The following PARD3 variants were observed in gnomAD, a reference collection of about 807,000 sequenced individuals.
PARD3 encodes the protein partitioning defective 3 homolog.
Under a neutral mutation model 155.4 loss-of-function variants are expected in PARD3, and 75 were observed. That is an observed-to-expected ratio of 0.48 (90% CI 0.40 to 0.58). The LOEUF is 0.58. PARD3 is among the 20% of genes least tolerant of loss of function. The probability of loss-of-function intolerance (pLI) is 0.00; values close to 1 mark genes in which losing one functional copy is unlikely to be tolerated. For synonymous variants in PARD3, 576 were observed against 610.5 expected (o/e 0.94, Z 0.83); for missense variants, 1,642 against 1,721.7 (o/e 0.95, Z 0.82).
At chr10:34,156,791 A>G (rs926224160) in intron 22 of PARD3, among the ~76,000 whole-genome samples, 5 of 151,518 alleles carry the variant, frequency 3.3e-5, no homozygotes, top group Admixed American at 3.3e-4. Flanking sequence ...GACTGCCCAG[A>G]CACTTAGTAA....
At chr10:34,737,317 T>C (rs1005980179) in intron 1 of PARD3, among the ~76,000 whole-genome samples, 11 of 152,218 alleles carry the variant, frequency 7.2e-5, no homozygotes, top group African/African-American at 2.4e-4. Context: ...ATTTCCCACT[T>C]CTCCACTAAC....
chr10:34,202,429 G>A (rs1273355882), intron 22 of PARD3, among the ~76,000 whole-genome samples: 1 of 152,158 alleles, frequency 6.6e-6, no homozygotes, highest in East Asian at 1.9e-4. Flanking sequence ...ACTTTTTACA[G>A]ATAAGAGGTG....
At chr10:34,328,488 C>A (rs1835278824) in intron 19 of PARD3, among the ~76,000 whole-genome samples, 1 of 152,028 alleles carries the variant, frequency 6.6e-6, no homozygotes, top group Non-Finnish European at 1.5e-5. Context: ...CTCAAAAACA[C>A]CCTTTTTAAA....
intron 2 of PARD3, among the ~76,000 whole-genome samples, chr10:34,572,222 A>G (rs997671887): frequency 3.2e-4 from 48 of 152,202 alleles, no homozygotes; most frequent in Non-Finnish European, 5.4e-4. Context: ...AAAAAGCACA[A>G]TGAGGCTGGG....
Position 34,434,554 on chromosome 10 carries a change from G to A in PARD3, c.714+15763C>T, listed in dbSNP as rs570739395. Among the ~76,000 whole-genome samples, 17 of 152,278 alleles carry A rather than the reference G, an allele frequency of 1.1e-4. No individual in the cohort carries two copies. In the East Asian group the frequency reaches 1.7e-3, roughly 16 times the overall value. ...CACGGTGTTCCTGGGTATGGTCAGA[G>A]CCCCAGAGTGTGTCAAGCAGTGCTC... On this transcript the variant is annotated intron_variant, in intron 5 of 24. Coordinates refer to ENST00000374788, the MANE Select transcript of PARD3 (RefSeq NM_001184785.2).
At chr10:34,799,055 T>C (rs1223912881) in intron 1 of PARD3, among the ~76,000 whole-genome samples, 1 of 152,146 alleles carries the variant, frequency 6.6e-6, no homozygotes, top group East Asian at 1.9e-4. Context: ...TTAAGAGCAG[T>C]TGCTCTAGCA....
rs544121028 is a variant in PARD3, at chr10:34,204,163, C to T, written c.3419+65494G>A. 1.2e-4 allele frequency among the ~76,000 whole-genome samples: 18 copies of T among 152,274 alleles called. No individual in the cohort carries two copies. The South Asian group carries it at 1.4e-3, about 12-fold the overall frequency. On this transcript the variant is annotated intron_variant, in intron 22 of 24. Coordinates refer to ENST00000374788, the MANE Select transcript of PARD3 (RefSeq NM_001184785.2). ...TTGACAGTATTGATGTTAATGATAA[C>T]GTATTCCCTTTTCAAAGAAAGTTGC...
At chr10:34,288,057 A>G (rs1308642718) in intron 20 of PARD3, among the ~76,000 whole-genome samples, 1 of 152,074 alleles carries the variant, frequency 6.6e-6, no homozygotes, top group Non-Finnish European at 1.5e-5. Context: ...CTAACAATAC[A>G]AAAATTAGCT....
chr10:34,735,739 C>T (rs979035657), intron 1 of PARD3, among the ~76,000 whole-genome samples: 1 of 152,196 alleles, frequency 6.6e-6, no homozygotes, highest in Non-Finnish European at 1.5e-5. Context: ...AACAACCCCC[C>T]TTATTTTTTA....
At chr10:34,755,247 A>T (rs773339488) in intron 1 of PARD3, among the ~76,000 whole-genome samples, 12 of 132,590 alleles carry the variant, frequency 9.1e-5, no homozygotes, top group East Asian at 2.0e-4. Context: ...ACTAAAAATT[A>T]AAAAAAAAAA....
chr10:34,151,927 C>A lies in PARD3; in HGVS notation c.3420-20344G>T, dbSNP rs374546222. Among the ~76,000 whole-genome samples, 34 of 152,198 alleles carry A rather than the reference C, an allele frequency of 2.2e-4. 1 individual carries two copies. The South Asian group carries it at 3.3e-3, about 15-fold the overall frequency. On this transcript the variant is annotated intron_variant, in intron 22 of 24. Transcript: ENST00000374788. ...ATATTCTGTTACTTATTCAAGAGAC[C>A]TCAAGATTCTATAAAATATACATAT...
At chr10:34,518,620 A>T (rs1391498649) in intron 2 of PARD3, among the ~76,000 whole-genome samples, 1 of 152,246 alleles carries the variant, frequency 6.6e-6, no homozygotes. Context: ...CCATGAGTCC[A>T]TAATGATATA....
chr10:34,220,184 A>G (rs1391938471), intron 22 of PARD3, among the ~76,000 whole-genome samples: 4 of 152,168 alleles, frequency 2.6e-5, no homozygotes, highest in Admixed American at 6.5e-5. Flanking sequence ...CTCCACTCCT[A>G]CAAGTTGTAA....
chr10:34,287,541 A>T (rs757114898), intron 20 of PARD3, among the ~76,000 whole-genome samples: 3 of 152,144 alleles, frequency 2.0e-5, no homozygotes, highest in Non-Finnish European at 4.4e-5. Flanking sequence ...TGGTGAGGAA[A>T]GATTTAGATT....
chr10:34,422,365 C>A (rs1258235202), intron 5 of PARD3, among the ~76,000 whole-genome samples: 2 of 152,012 alleles, frequency 1.3e-5, no homozygotes, highest in East Asian at 3.9e-4. Flanking sequence ...TCAAGACATG[C>A]TAGTTCTTGT....
At chr10:34,195,844 A>G (rs1000982424) in intron 22 of PARD3, among the ~76,000 whole-genome samples, 3 of 152,204 alleles carry the variant, frequency 2.0e-5, no homozygotes, top group African/African-American at 7.2e-5. Flanking sequence ...GCTAGCTATG[A>G]AAATGAGGCC....
intron 1 of PARD3, among the ~76,000 whole-genome samples, chr10:34,805,703 G>A (rs1214306183): frequency 4.0e-5 from 6 of 151,898 alleles, no homozygotes; most frequent in African/African-American, 7.3e-5. Flanking sequence ...GGGGCCGGGC[G>A]CGGTGGCTCA....
chr10:34,249,896 C>T (rs960147323), intron 22 of PARD3, among the ~76,000 whole-genome samples: 2 of 152,184 alleles, frequency 1.3e-5, no homozygotes, highest in African/African-American at 4.8e-5. Context: ...AGGCCACATG[C>T]TAGGCTGCAT....
At chr10:34,292,671 A>G (rs1209329766) in intron 20 of PARD3, among the ~76,000 whole-genome samples, 1 of 152,142 alleles carries the variant, frequency 6.6e-6, no homozygotes, top group Non-Finnish European at 1.5e-5. Flanking sequence ...TAAATAAAAT[A>G]AATTTGTATT....
Sources: allele counts gnomAD v4.1 joint callset (sites outside exome capture counted in the v4.1 genomes callset), GRCh38; gene constraint gnomAD v4.1.1; transcripts MANE v1.5; gene names NCBI Gene and HGNC (gene_info 2026-07-23, HGNC 2026-07-21).